FRMD5: variants seen among roughly 807,000 people sequenced by gnomAD.
The protein encoded by FRMD5 is FERM domain-containing protein 5.
A neutral mutation model predicts 69.0 loss-of-function variants in FRMD5; 20 were observed. The ratio of observed to expected loss-of-function variants is 0.29; its 90% CI spans 0.20 to 0.42. The LOEUF is 0.42. FRMD5 is among the 10% of genes least tolerant of loss of function. FRMD5 has a pLI of 1.00. For missense variants in FRMD5, 595 were observed against 708.6 expected, an observed-to-expected ratio of 0.84 and a Z score of 1.82; for synonymous variants, 271 against 260.1, an observed-to-expected ratio of 1.04 and a Z score of -0.40.
intron 1 of FRMD5, among the ~76,000 whole-genome samples, chr15:44,060,995 AAACTGT>A (rs1893066748): frequency 6.6e-6 from 1 of 152,194 alleles, no homozygotes; most frequent in Non-Finnish European, 1.5e-5. Context: ...ATAAACTTTC[AAACTGT>A]AACACTCTTC....
chr15:43,978,815 G>A (rs1180688370), intron 1 of FRMD5, among the ~76,000 whole-genome samples: 3 of 152,112 alleles, frequency 2.0e-5, no homozygotes, highest in African/African-American at 4.8e-5. Flanking sequence ...GCTTCCCAAA[G>A]TGCTGGGATG....
intron 1 of FRMD5, among the ~76,000 whole-genome samples, chr15:44,132,755 TATGTATG>T (rs1288480251): frequency 5.0e-5 from 6 of 118,874 alleles, no homozygotes; most frequent in East Asian, 2.6e-4. Flanking sequence ...TGTATGTATG[TATGTATG>T]TATTTATTTT....
intron 8 of FRMD5, among the ~76,000 whole-genome samples, 165 bp from the exon 9 acceptor site, chr15:43,889,037 ATGT>A (rs2088733037): frequency 6.6e-6 from 1 of 152,220 alleles, no homozygotes; most frequent in African/African-American, 2.4e-5. Context: ...GCCTTAGAGA[ATGT>A]TGTTGAAACA....
intron 1 of FRMD5, among the ~76,000 whole-genome samples, chr15:43,969,585 A>G (rs1410130259): frequency 6.6e-6 from 1 of 152,222 alleles, no homozygotes; most frequent in Non-Finnish European, 1.5e-5. Flanking sequence ...GAATTTCTAT[A>G]TATAAATATT....
chr15:44,034,646 G>A (rs544084362), intron 1 of FRMD5, among the ~76,000 whole-genome samples: 1 of 152,300 alleles, frequency 6.6e-6, no homozygotes, highest in African/African-American at 2.4e-5. Flanking sequence ...GCACTGTCTG[G>A]AGCAGGAAGA....
At chr15:44,001,935 G>C (rs939496788) in intron 1 of FRMD5, among the ~76,000 whole-genome samples, 1 of 151,930 alleles carries the variant, frequency 6.6e-6, no homozygotes, top group Non-Finnish European at 1.5e-5. Flanking sequence ...TGGCTAGGCT[G>C]ATCTCAAACT....
At chr15:44,046,307 A>T (rs1367294330) in intron 1 of FRMD5, among the ~76,000 whole-genome samples, 1 of 152,234 alleles carries the variant, frequency 6.6e-6, no homozygotes, top group Non-Finnish European at 1.5e-5. Flanking sequence ...AATAGCTACA[A>T]ATGTGCTAAT....
chr15:44,032,871 G>T (rs978018342), intron 1 of FRMD5, among the ~76,000 whole-genome samples: 1 of 152,260 alleles, frequency 6.6e-6, no homozygotes, highest in East Asian at 1.9e-4. Context: ...TATACCCAGA[G>T]GAAGATAAAT....
At chr15:43,971,929 T>C (rs886600921) in intron 1 of FRMD5, among the ~76,000 whole-genome samples, 10 of 150,754 alleles carry the variant, frequency 6.6e-5, no homozygotes, top group Non-Finnish European at 1.3e-4. Flanking sequence ...AATATAAGGA[T>C]TTTTCAGTCC....
At chr15:44,033,179 A>G (rs576077131) in intron 1 of FRMD5, among the ~76,000 whole-genome samples, 1 of 152,324 alleles carries the variant, frequency 6.6e-6, no homozygotes, top group East Asian at 1.9e-4. Context: ...TTTGCTAATT[A>G]TAGCTAAATT....
At chr15:43,956,439 A>T (rs572277320) in intron 1 of FRMD5, among the ~76,000 whole-genome samples, 2 of 152,180 alleles carry the variant, frequency 1.3e-5, no homozygotes, top group Non-Finnish European at 2.9e-5. Context: ...TTGAGGGAAG[A>T]TATAAAAATA....
At chr15:44,105,367 G>A (rs933991545) in intron 1 of FRMD5, among the ~76,000 whole-genome samples, 28 of 152,114 alleles carry the variant, frequency 1.8e-4, no homozygotes, top group African/African-American at 6.5e-4. Flanking sequence ...GTGAGCCACT[G>A]TGCCCAGCTC....
intron 1 of FRMD5, among the ~76,000 whole-genome samples, chr15:44,005,647 A>G (rs978016396): frequency 1.5e-4 from 23 of 152,106 alleles, no homozygotes; most frequent in Admixed American, 3.9e-4. Flanking sequence ...GAAGCAAGGC[A>G]TCTCACATGG....
At chr15:44,052,103 T>C (rs993711205) in intron 1 of FRMD5, among the ~76,000 whole-genome samples, 2 of 152,200 alleles carry the variant, frequency 1.3e-5, no homozygotes, top group Admixed American at 1.3e-4. Context: ...ATATATTATT[T>C]TGAATTTTTC....
At chr15:44,164,358 TACC>T (rs1445500818) in intron 1 of FRMD5, among the ~76,000 whole-genome samples, 25 of 152,312 alleles carry the variant, frequency 1.6e-4, no homozygotes, top group African/African-American at 5.8e-4. Context: ...ACTGACTACT[TACC>T]ATGTTCACAT....
intron 1 of FRMD5, among the ~76,000 whole-genome samples, chr15:44,123,578 AT>A (rs1287467872): frequency 1.3e-5 from 2 of 152,116 alleles, no homozygotes; most frequent in Non-Finnish European, 2.9e-5. Context: ...AGAATTAAAT[AT>A]TTTTTAAAAA....
intron 1 of FRMD5, among the ~76,000 whole-genome samples, chr15:43,996,714 G>GTTTTTTTTTTTTTTT (rs1491101376): frequency 4.2e-5 from 2 of 48,076 alleles, no homozygotes; most frequent in Non-Finnish European, 7.9e-5. Flanking sequence ...CTCCTCAGCT[G>GTTTTTTTTTTTTTTT]ATTTTTTTTT....
At chr15:43,907,786 G>A (rs1308154041) in intron 5 of FRMD5, among the ~76,000 whole-genome samples, 1 of 152,120 alleles carries the variant, frequency 6.6e-6, no homozygotes, top group Non-Finnish European at 1.5e-5. Context: ...GGTTACAGGC[G>A]TGAGCCACCG....
chr15:43,921,796 G>A (rs1006285978), intron 2 of FRMD5, among the ~76,000 whole-genome samples: 1 of 152,186 alleles, frequency 6.6e-6, no homozygotes, highest in African/African-American at 2.4e-5. Context: ...CCAAGAGAAG[G>A]TGGAGGCCCT....
Sources: gnomAD v4.1 joint callset for allele counts (sites outside exome capture counted in the v4.1 genomes callset) on GRCh38, gnomAD v4.1.1 for gene constraint, MANE v1.5 for transcripts, NCBI Gene and HGNC (gene_info 2026-07-23, HGNC 2026-07-21) for gene names.